CDKN2B-AS1: variants seen among roughly 807,000 people sequenced by gnomAD.
CDKN2B-AS1 encodes CDKN2B and CDKN2A antisense cis and trans regulatory RNA 1.
chr9:22,073,544 G>C (rs1354758615), intron 4 of CDKN2B-AS1, among the ~76,000 whole-genome samples: 2 of 152,146 alleles, frequency 1.3e-5, no homozygotes, highest in African/African-American at 4.8e-5. Flanking sequence ...GTAATTTTCT[G>C]TTAACTGAGA....
At chr9:22,041,266 G>A (rs996572203) in intron 1 of CDKN2B-AS1, among the ~76,000 whole-genome samples, 13 of 152,038 alleles carry the variant, frequency 8.6e-5, no homozygotes, top group African/African-American at 3.1e-4. Context: ...AAATGCTACA[G>A]ATGTACCTGA....
chr9:22,038,326 A>G (rs1822770977), intron 1 of CDKN2B-AS1, among the ~76,000 whole-genome samples: 1 of 151,824 alleles, frequency 6.6e-6, no homozygotes, highest in African/African-American at 2.4e-5. Context: ...TCTTTAGTAT[A>G]ATTCATTAAT....
rs764733649 is a variant in CDKN2B-AS1 at position 22,000,328 on chromosome 9, G to C, written n.29+5167G>C. On this transcript the variant is annotated intron_variant and non_coding_transcript_variant, in intron 1 of 4. Coordinates refer to ENST00000650946, the Ensembl canonical transcript of CDKN2B-AS1. This position sits in a 1 kb window ranked among gnomAD's most constrained non-coding sequence, Gnocchi z 4.1. ...GAGCAAATGTATAATAAAGTGGTAT[G>C]CTTCCCTAGAAAGGGGACGACCTTA... Among the ~76,000 whole-genome samples the C allele has an allele frequency of 2.6e-5, 4 of 152,150 alleles. No homozygotes were observed. Among genetic ancestry groups the C allele is most frequent in the Non-Finnish European group, 5.9e-5 (4 of 67,988 alleles).
intron 4 of CDKN2B-AS1, among the ~76,000 whole-genome samples, chr9:22,072,677 A>C (rs1824343789): frequency 6.6e-6 from 1 of 152,232 alleles, no homozygotes; most frequent in Non-Finnish European, 1.5e-5. Context: ...ACCATGTTTT[A>C]GTGACATATT....
intron 1 of CDKN2B-AS1, among the ~76,000 whole-genome samples, chr9:22,014,653 C>T (rs1019354093): frequency 6.6e-6 from 1 of 151,892 alleles, no homozygotes; most frequent in Non-Finnish European, 1.5e-5. Flanking sequence ...TACATGTGCA[C>T]AATGTGCAGG....
At chr9:22,107,697 T>C (rs1012542342) in intron 4 of CDKN2B-AS1, among the ~76,000 whole-genome samples, 1 of 152,208 alleles carries the variant, frequency 6.6e-6, no homozygotes, top group Non-Finnish European at 1.5e-5. Context: ...AATTTTCTGG[T>C]CTTGTAGAGA....
rs137888949 is a variant in CDKN2B-AS1 at position 22,070,643 on chromosome 9, A to G, written n.438+14256A>G. 3.3e-5 allele frequency among the ~76,000 whole-genome samples: 5 copies of G among 152,316 alleles called. No individual in the cohort carries two copies. The East Asian group carries it at 5.8e-4, about 18-fold the overall frequency. ...CAAGTGACATATGACAACATTGTAC[A>G]TGAAGGAAACTACCATCAGGCAGAG... On this transcript the variant is annotated intron_variant and non_coding_transcript_variant, in intron 4 of 4. Coordinates refer to ENST00000650946, the Ensembl canonical transcript of CDKN2B-AS1.
At chr9:22,080,705 T>C (rs1327290847) in intron 4 of CDKN2B-AS1, among the ~76,000 whole-genome samples, 5 of 152,246 alleles carry the variant, frequency 3.3e-5, no homozygotes, top group African/African-American at 1.2e-4. Context: ...TGTTGAAGGC[T>C]TTTTGTAAGG....
chr9:22,063,224 G>A (rs979297980), intron 4 of CDKN2B-AS1, among the ~76,000 whole-genome samples: 1 of 152,122 alleles, frequency 6.6e-6, no homozygotes, highest in Non-Finnish European at 1.5e-5. Context: ...AAAGCCTAGG[G>A]TAGCTCTGAG....
intron 1 of CDKN2B-AS1, among the ~76,000 whole-genome samples, chr9:22,028,289 T>G (rs757587836): frequency 8.9e-4 from 136 of 152,218 alleles, no homozygotes; most frequent in Non-Finnish European, 6.0e-4. Context: ...AATCATCAAC[T>G]GATTGCAAAC....
At chr9:22,082,860 A>G (rs1318412787) in intron 4 of CDKN2B-AS1, among the ~76,000 whole-genome samples, 1 of 152,164 alleles carries the variant, frequency 6.6e-6, no homozygotes, top group Non-Finnish European at 1.5e-5. Context: ...AATCAGGTGT[A>G]AGCCACGGAA....
chr9:22,123,952 TAAATAA>T (rs1826141506), intron 4 of CDKN2B-AS1, among the ~76,000 whole-genome samples: 1 of 152,210 alleles, frequency 6.6e-6, no homozygotes, highest in East Asian at 1.9e-4. Flanking sequence ...ACTGAAAATA[TAAATAA>T]AAACAAAGCA....
intron 4 of CDKN2B-AS1, among the ~76,000 whole-genome samples, chr9:22,087,828 G>A (rs750860543): frequency 6.6e-6 from 1 of 152,102 alleles, no homozygotes; most frequent in African/African-American, 2.4e-5. Context: ...ATTGAAAACC[G>A]ATATCATTTG....
intron 1 of CDKN2B-AS1, among the ~76,000 whole-genome samples, chr9:22,040,274 G>T (rs1340040658): frequency 6.6e-6 from 1 of 152,042 alleles, no homozygotes; most frequent in Non-Finnish European, 1.5e-5. Context: ...CTATGGTGTA[G>T]ATATTAGTGC....
chr9:22,035,110 A>T (rs1027578033), intron 1 of CDKN2B-AS1, among the ~76,000 whole-genome samples: 1 of 152,160 alleles, frequency 6.6e-6, no homozygotes, highest in African/African-American at 2.4e-5. Context: ...AATGGTGACT[A>T]TAATGATTCT....
chr9:22,123,383 C>T (rs919704763), intron 4 of CDKN2B-AS1, among the ~76,000 whole-genome samples: 3 of 152,084 alleles, frequency 2.0e-5, no homozygotes, highest in Non-Finnish European at 4.4e-5. Context: ...ACTTCCATTA[C>T]TGTGTTGAAT....
chr9:22,027,482 T>C (rs1822289547), intron 1 of CDKN2B-AS1, among the ~76,000 whole-genome samples: 1 of 152,080 alleles, frequency 6.6e-6, no homozygotes, highest in African/African-American at 2.4e-5. Context: ...CTCTCGAAAA[T>C]TTTTCTCTCT....
At chr9:22,056,989 A>T (rs1488067170) in intron 4 of CDKN2B-AS1, among the ~76,000 whole-genome samples, 3 of 152,274 alleles carry the variant, frequency 2.0e-5, no homozygotes, top group East Asian at 3.9e-4. Context: ...AAAACTAGGG[A>T]TTAATCTAGA....
intron 4 of CDKN2B-AS1, among the ~76,000 whole-genome samples, chr9:22,095,084 C>A (rs555776510): frequency 1.4e-4 from 21 of 144,876 alleles, no homozygotes; most frequent in Non-Finnish European, 2.9e-4. Context: ...CCACTCCAGA[C>A]GCTGTTTGCC....
Sources: gnomAD v4.1 joint callset for allele counts (sites outside exome capture counted in the v4.1 genomes callset) on GRCh38, gnomAD v4.1.1 for gene constraint, Gnocchi (gnomAD v3.1) non-coding constraint, MANE v1.5 for transcripts, NCBI Gene and HGNC (gene_info 2026-07-23, HGNC 2026-07-21) for gene names.